The following CENPC variants were observed in gnomAD, a reference collection of about 807,000 sequenced individuals.
CENPC encodes the protein centromere protein C.
In CENPC, 63 loss-of-function variants were observed where a neutral mutation model predicts 112.1. The observed-to-expected ratio is 0.56, with a 90% CI of 0.46 to 0.69. CENPC has a LOEUF of 0.69. Among genes scored for constraint, CENPC ranks in the 30% least tolerant of loss-of-function variants. The pLI is 0.00. For synonymous variants in CENPC, 333 were observed against 367.6 expected (o/e 0.91, Z 1.08); for missense variants, 1,000 against 1,103.8 (o/e 0.91, Z 1.33).
chr4:67,493,860 T>C, intron 14 of CENPC, 24 bp downstream of exon 14: 1 of 1,501,560 alleles, frequency 6.7e-7, no homozygotes, highest in African/African-American at 1.4e-5. Flanking sequence ...TATTGACAGA[T>C]ATTATAACAT....
chr4:67,474,794 A>G (rs1355645444), intron 18 of CENPC, 94 bp downstream of exon 18: 1 of 724,346 alleles, frequency 1.4e-6, no homozygotes, highest in East Asian at 2.7e-5. Context: ...TCCATCAGTC[A>G]TATCACACTT....
Position 67,471,273 on chromosome 4 carries a change from T to C in CENPC, c.*1332A>G, listed in dbSNP as rs1352119918. The C allele has an allele frequency of 6.6e-6, 1 of 152,180 alleles. No individual in the cohort carries two copies. Among genetic ancestry groups the C allele is most frequent in the Non-Finnish European group, 1.5e-5 (1 of 68,020 alleles). The allele number at this position is 152,180 out of a possible 1,614,324, so 9.4% of individuals were successfully genotyped here. On this transcript the variant is annotated 3_prime_UTR_variant, in exon 19 of 19. Coordinates refer to ENST00000273853, the MANE Select transcript of CENPC (RefSeq NM_001812.4). ...ACTTCACATCATATATAAGATAGAT[T>C]CCACAATTTGAGTCCAGTCAAAATG... is the stretch of plus-strand genomic sequence containing the variant.
At chr4:67,536,805 A>G (rs1250834056) in intron 4 of CENPC, among the ~76,000 whole-genome samples, 5 of 151,806 alleles carry the variant, frequency 3.3e-5, no homozygotes, top group African/African-American at 1.2e-4. Context: ...GAAACTAAAA[A>G]CAAGCAAATG....
chr4:67,489,270 ATGGGGG>A (rs1293140639), intron 17 of CENPC, among the ~76,000 whole-genome samples: 10 of 151,060 alleles, frequency 6.6e-5, no homozygotes, highest in African/African-American at 1.9e-4. Context: ...ATGTCTCTAA[ATGGGGG>A]TGGGGGTGGA....
rs58009718 is a variant in CENPC at position 67,498,137 on chromosome 4, G to A, written c.2132-2925C>T. 3.9e-3 allele frequency among the ~76,000 whole-genome samples: 597 copies of A among 152,022 alleles called. 4 individuals are homozygous for A. The highest frequency in any genetic ancestry group is 0.014 in the African/African-American group (562 of 41,476). On this transcript the variant is annotated intron_variant, in intron 12 of 18. Transcript: ENST00000273853. Reference sequence around the variant, plus strand: ...AATCCCAGCTACTCTTGGTGGCTGCGGCAAGAGAATCGCTTGAACCCAGGA... The same window carrying A: ...AATCCCAGCTACTCTTGGTGGCTGCAGCAAGAGAATCGCTTGAACCCAGGA...
At chr4:67,491,810 C>T (rs968212704) in intron 16 of CENPC, among the ~76,000 whole-genome samples, 4 of 152,114 alleles carry the variant, frequency 2.6e-5, no homozygotes, top group Admixed American at 1.3e-4. Flanking sequence ...TGCCTGGCTT[C>T]ATGATAAGCG....
intron 16 of CENPC, 96 bp downstream of exon 16, chr4:67,492,084 G>T: frequency 2.6e-6 from 2 of 777,348 alleles, no homozygotes; most frequent in South Asian, 1.8e-5. Context: ...TAGAATTGGG[G>T]AGAGAAAGGG....
At chr4:67,524,782 T>A (rs530411092) in intron 5 of CENPC, among the ~76,000 whole-genome samples, 23 of 152,224 alleles carry the variant, frequency 1.5e-4, no homozygotes, top group South Asian at 1.0e-3. Flanking sequence ...TCAATGCTAC[T>A]CCCATCATGC....
intron 14 of CENPC, among the ~76,000 whole-genome samples, chr4:67,493,247 C>A (rs1725333438): frequency 6.7e-6 from 1 of 148,856 alleles, no homozygotes; most frequent in Non-Finnish European, 1.5e-5. Context: ...AATCAACAGT[C>A]ATCAGTGGAG....
chr4:67,513,393 G>A (rs113980743), intron 8 of CENPC, among the ~76,000 whole-genome samples: 114 of 152,212 alleles, frequency 7.5e-4, no homozygotes, highest in African/African-American at 2.5e-3. Flanking sequence ...AACCAATCTA[G>A]ATACAGAATA....
chr4:67,487,708 A>G (rs1725130726), intron 17 of CENPC, among the ~76,000 whole-genome samples: 1 of 151,430 alleles, frequency 6.6e-6, no homozygotes, highest in African/African-American at 2.4e-5. Flanking sequence ...TCTTCTCTAC[A>G]TTATTTAACT....
chr4:67,539,978 A>G (rs1290501241), intron 3 of CENPC, 44 bp from the exon 4 acceptor site: 8 of 1,023,508 alleles, frequency 7.8e-6, no homozygotes, highest in Admixed American at 3.2e-5. Flanking sequence ...ATATAGTGTA[A>G]TATCTATTAG....
intron 14 of CENPC, chr4:67,493,370 G>C: frequency 6.0e-6 from 1 of 167,508 alleles, no homozygotes; most frequent in South Asian, 1.7e-4. Context: ...AATATGGCCA[G>C]GCACAGTGGC....
At chr4:67,534,054 AC>A (rs1394677630) in intron 4 of CENPC, among the ~76,000 whole-genome samples, 1 of 152,000 alleles carries the variant, frequency 6.6e-6, no homozygotes, top group Non-Finnish European at 1.5e-5. Flanking sequence ...AGGCATGCAA[AC>A]AGAGGGTGTT....
chr4:67,532,432 A>G (rs571554297), intron 4 of CENPC, among the ~76,000 whole-genome samples: 40 of 152,242 alleles, frequency 2.6e-4, no homozygotes, highest in Non-Finnish European at 4.6e-4. Context: ...ATGCTGCTAT[A>G]AAGACACATG....
At position 67,514,432 on chromosome 4, in the gene CENPC, T is replaced by C. The variant is rs1198254137; in HGVS notation, c.1086A>G (p.Lys362=). 3 of 1,613,592 alleles carry C rather than the reference T, an allele frequency of 1.9e-6. No individual in the cohort carries two copies. The highest frequency in any genetic ancestry group is 2.2e-5 in the East Asian group (1 of 44,860). The change falls in exon 8 of 19, where the codon AAA becomes AAG. Residue 362 remains lysine, a synonymous_variant. Transcript: ENST00000273853. ...CTACTGGGTGAGGTTTATGGGAATGTTTGTCATTTGCCAAAGTCTTAGGTA... is the reference window on the plus strand; with the variant it reads ...CTACTGGGTGAGGTTTATGGGAATGCTTGTCATTTGCCAAAGTCTTAGGTA... ...NILPKTLAND[K]HSHKPHPVET...
At chr4:67,494,388 G>A (rs116171167) in intron 13 of CENPC, among the ~76,000 whole-genome samples, 5,755 of 152,228 alleles carry the variant, frequency 0.038, 150 homozygotes, top group Middle Eastern at 0.045. Context: ...AATGCTCAAT[G>A]TTCCCCTCTG....
chr4:67,490,378 A>G (rs1725207207), intron 16 of CENPC, among the ~76,000 whole-genome samples: 1 of 152,084 alleles, frequency 6.6e-6, no homozygotes, highest in African/African-American at 2.4e-5. Flanking sequence ...TTAAATAATA[A>G]TAAGTTCATC....
At chr4:67,543,562 A>G (rs1209245140) in intron 2 of CENPC, among the ~76,000 whole-genome samples, 1 of 152,212 alleles carries the variant, frequency 6.6e-6, no homozygotes, top group African/African-American at 2.4e-5. Context: ...ATGTACATAT[A>G]CATTTTCCCA....
Sources: gnomAD v4.1 joint callset for allele counts (sites outside exome capture counted in the v4.1 genomes callset) on GRCh38, gnomAD v4.1.1 for gene constraint, MANE v1.5 for transcripts, NCBI Gene and HGNC (gene_info 2026-07-23, HGNC 2026-07-21) for gene names.